PDSS2: variants seen among roughly 807,000 people sequenced by gnomAD.
PDSS2 encodes all trans-polyprenyl-diphosphate synthase PDSS2.
A neutral mutation model predicts 44.5 loss-of-function variants in PDSS2; 31 were observed. The observed-to-expected ratio is 0.70, with a 90% CI of 0.52 to 0.94. The LOEUF (loss-of-function observed/expected upper bound fraction) is 0.94. Among genes scored for constraint, PDSS2 ranks in the 40% least tolerant of loss-of-function variants. PDSS2 has a pLI of 0.00. For synonymous variants in PDSS2, 157 were observed against 180.3 expected (o/e 0.87, Z 1.03); for missense variants, 452 against 482.2 (o/e 0.94, Z 0.59).
At chr6:107,311,195 C>CTTTT (rs35780982) in intron 2 of PDSS2, among the ~76,000 whole-genome samples, 2 of 128,314 alleles carry the variant, frequency 1.6e-5, no homozygotes, top group Non-Finnish European at 3.2e-5. Context: ...CCACAACCAG[C>CTTTT]TTTTTTTTTT....
chr6:107,219,400 G>T (rs1286488698), intron 4 of PDSS2, among the ~76,000 whole-genome samples: 1 of 152,088 alleles, frequency 6.6e-6, no homozygotes, highest in Non-Finnish European at 1.5e-5. Flanking sequence ...CAATTCTCCT[G>T]CCTCAGCCTC....
intron 6 of PDSS2, among the ~76,000 whole-genome samples, chr6:107,204,990 T>C (rs1472374022): frequency 6.6e-6 from 1 of 152,230 alleles, no homozygotes; most frequent in Non-Finnish European, 1.5e-5. Flanking sequence ...CCTTCTATGA[T>C]AGAGGATGAT....
At chr6:107,412,883 A>T (rs930727182) in intron 1 of PDSS2, among the ~76,000 whole-genome samples, 1 of 152,316 alleles carries the variant, frequency 6.6e-6, no homozygotes, top group East Asian at 1.9e-4. Context: ...GGTGGCTTCA[A>T]AGTTGTACCA....
chr6:107,388,352 T>G (rs1779674392), intron 1 of PDSS2, among the ~76,000 whole-genome samples: 1 of 152,302 alleles, frequency 6.6e-6, no homozygotes, highest in South Asian at 2.1e-4. Context: ...TCTTATAAAA[T>G]TAGAAATAGA....
Position 107,242,956 on chromosome 6 carries a change from A to G in PDSS2, c.702+2592T>C, listed in dbSNP as rs116384350. On this transcript the variant is annotated intron_variant, in intron 4 of 7. Coordinates refer to ENST00000369037, the MANE Select transcript of PDSS2 (RefSeq NM_020381.4). Reference sequence around the variant, plus strand: ...GACAGATGAATGAAGCAGTGCTATAAAGTCTCTTTAATAAAATGTAGCTAA... The same window carrying G: ...GACAGATGAATGAAGCAGTGCTATAGAGTCTCTTTAATAAAATGTAGCTAA... Among the ~76,000 whole-genome samples, 837 of 152,280 alleles carry G rather than the reference A, an allele frequency of 5.5e-3. 10 individuals carry two copies. The highest frequency in any genetic ancestry group is 0.018 in the African/African-American group (750 of 41,548).
At chr6:107,245,516 A>C (rs1477373882) in intron 4 of PDSS2, 32 bp downstream of exon 4, 1 of 1,251,644 alleles carries the variant, frequency 8.0e-7, no homozygotes. Flanking sequence ...ACGGTTTATA[A>C]CATAACATTT....
chr6:107,397,050 CT>C, intron 1 of PDSS2, among the ~76,000 whole-genome samples: 1 of 152,146 alleles, frequency 6.6e-6, no homozygotes, highest in South Asian at 2.1e-4. Context: ...TGGAATGAAG[CT>C]TTAGTTAGAT....
intron 3 of PDSS2, among the ~76,000 whole-genome samples, chr6:107,258,164 A>G (rs946023328): frequency 1.3e-5 from 2 of 152,184 alleles, no homozygotes; most frequent in African/African-American, 4.8e-5. Context: ...AATCCGCCAT[A>G]AAGATGAGTT....
chr6:107,342,697 G>A (rs1463892275), intron 1 of PDSS2, among the ~76,000 whole-genome samples: 1 of 152,182 alleles, frequency 6.6e-6, no homozygotes, highest in Non-Finnish European at 1.5e-5. Context: ...ACAGAGAGTT[G>A]AGGTGGAAAG....
At chr6:107,390,640 T>C (rs557117081) in intron 1 of PDSS2, among the ~76,000 whole-genome samples, 1 of 152,240 alleles carries the variant, frequency 6.6e-6, no homozygotes, top group South Asian at 2.1e-4. Flanking sequence ...TTTCTTAGTT[T>C]TGACAAATGT....
intron 2 of PDSS2, among the ~76,000 whole-genome samples, chr6:107,326,254 C>T (rs1777542611): frequency 6.6e-6 from 1 of 151,890 alleles, no homozygotes; most frequent in African/African-American, 2.4e-5. Context: ...CAGGCAGGTA[C>T]CACCATGCCT....
chr6:107,317,980 T>A (rs1777253499), intron 2 of PDSS2, among the ~76,000 whole-genome samples: 1 of 152,166 alleles, frequency 6.6e-6, no homozygotes. Context: ...GTTAACAAAA[T>A]TTTTAATTTT....
At chr6:107,158,536 A>G (rs1400150730) in intron 7 of PDSS2, among the ~76,000 whole-genome samples, 2 of 152,038 alleles carry the variant, frequency 1.3e-5, no homozygotes, top group African/African-American at 4.8e-5. Flanking sequence ...ACTAAACTCC[A>G]TCAGATTCTC....
chr6:107,261,211 CT>C (rs1775210888), intron 3 of PDSS2, among the ~76,000 whole-genome samples: 1 of 152,324 alleles, frequency 6.6e-6, no homozygotes, highest in African/African-American at 2.4e-5. Context: ...TACTGTGTCT[CT>C]TTCTGTCCCT....
intron 3 of PDSS2, among the ~76,000 whole-genome samples, chr6:107,261,308 T>G (rs181820009): frequency 6.6e-6 from 1 of 152,214 alleles, no homozygotes; most frequent in Non-Finnish European, 1.5e-5. Flanking sequence ...AGATCCCTTA[T>G]GGCTTGGTGC....
intron 1 of PDSS2, among the ~76,000 whole-genome samples, chr6:107,400,841 C>T (rs1363940285): frequency 6.6e-6 from 1 of 152,156 alleles, no homozygotes; most frequent in Non-Finnish European, 1.5e-5. Flanking sequence ...CCCAGCTCTG[C>T]CCTGCCCCAA....
intron 4 of PDSS2, among the ~76,000 whole-genome samples, chr6:107,240,594 C>T (rs1224994034): frequency 2.0e-5 from 3 of 151,710 alleles, no homozygotes; most frequent in South Asian, 2.1e-4. Context: ...GATGGAGTTT[C>T]GCCATGTTGG....
At chr6:107,416,690 C>T (rs533741734) in intron 1 of PDSS2, among the ~76,000 whole-genome samples, 1 of 152,084 alleles carries the variant, frequency 6.6e-6, no homozygotes, top group Non-Finnish European at 1.5e-5. Context: ...GTAAATAGAA[C>T]AAATTAATCT....
At chr6:107,161,526 A>C (rs1554246751) in intron 7 of PDSS2, among the ~76,000 whole-genome samples, 2 of 151,972 alleles carry the variant, frequency 1.3e-5, no homozygotes, top group Admixed American at 6.6e-5. Context: ...AAAAGTGTTC[A>C]ATTTGTATTA....
Sources: gnomAD v4.1 joint callset for allele counts (sites outside exome capture counted in the v4.1 genomes callset) on GRCh38, gnomAD v4.1.1 for gene constraint, MANE v1.5 for transcripts, NCBI Gene and HGNC (gene_info 2026-07-23, HGNC 2026-07-21) for gene names.